The following MYO1C variants were observed in gnomAD, a reference collection of about 807,000 sequenced individuals.
MYO1C encodes the protein unconventional myosin-Ic.
In MYO1C, 104 loss-of-function variants were observed where a neutral mutation model predicts 150.8. The ratio of observed to expected loss-of-function variants is 0.69; its 90% confidence interval spans 0.59 to 0.81. The LOEUF (loss-of-function observed/expected upper bound fraction) is 0.81. Ranked by LOEUF, MYO1C falls within the 30% of genes least tolerant of loss-of-function variation. The pLI, the probability that MYO1C is intolerant of heterozygous loss-of-function variation, is 0.00. For synonymous variants in MYO1C, 663 were observed against 579.9 expected (o/e 1.14, Z -2.06); for missense variants, 1,504 against 1,435.0 (o/e 1.05, Z -0.78).
At chr17:1,485,050 T>G in intron 1 of MYO1C, 1 of 1,186,986 alleles carries the variant, frequency 8.4e-7, no homozygotes, top group Non-Finnish European at 1.1e-6. Flanking sequence ...CTCCCTTTCC[T>G]CCAGCTGCTG....
At chr17:1,491,654 G>C (rs1438351660) in intron 1 of MYO1C, 1 of 980,678 alleles carries the variant, frequency 1.0e-6, no homozygotes, top group East Asian at 1.1e-4. Flanking sequence ...GGCGGGCTTG[G>C]GGATCCGCGG....
intron 21 of MYO1C, 29 bp from the exon 22 acceptor site, chr17:1,470,718 C>A: frequency 6.3e-7 from 1 of 1,592,552 alleles, no homozygotes; most frequent in East Asian, 2.2e-5. Flanking sequence ...GGCAATTGGC[C>A]AGAGCGCGGG....
chr17:1,468,650 C>T (rs2074233228), intron 25 of MYO1C, 154 bp from the exon 26 acceptor site: 2 of 657,066 alleles, frequency 3.0e-6, no homozygotes, highest in Non-Finnish European at 5.5e-6. Flanking sequence ...CCCCCACACG[C>T]CCATCAACCC....
intron 17 of MYO1C, among the ~76,000 whole-genome samples, chr17:1,473,550 T>G (rs1345437951): frequency 6.6e-6 from 1 of 152,058 alleles, no homozygotes; most frequent in Admixed American, 6.6e-5. Context: ...TGCCAGGCAG[T>G]CTGGCTTCCA....
chr17:1,491,754 G>A, intron 1 of MYO1C: 2 of 603,388 alleles, frequency 3.3e-6, no homozygotes, highest in Non-Finnish European at 4.1e-6. Context: ...CTCCGGCCCC[G>A]CCCCGCCCCG....
At chr17:1,472,056 C>T (rs768095274) in intron 18 of MYO1C, 32 bp from the exon 19 acceptor site, 17 of 1,607,978 alleles carry the variant, frequency 1.1e-5, no homozygotes, top group Non-Finnish European at 1.4e-5. Context: ...GGTCAGCGGG[C>T]TGGCGCTGAC....
Position 1,479,661 on chromosome 17 carries a change from G to A in MYO1C, c.951C>T (p.Ile317=). Residue 317 remains isoleucine (I), a synonymous_variant, in exon 8 of 32, where the codon ATC becomes ATT. Coordinates refer to ENST00000648651, the MANE Select transcript of MYO1C (RefSeq NM_001080779.2). This position sits in a 1 kb window ranked among gnomAD's most constrained non-coding sequence, Gnocchi z 4.2. The part of the protein sequence containing the change: ...IVASVLHLGN[I]HFAANEESNA... ...TGCTCTCCTCGTTGGCAGCAAAGTG[G>A]ATGTTGCCCAAATGAAGGACGCTGG... 1 of 1,613,678 alleles carries A rather than the reference G, an allele frequency of 6.2e-7. No individual in the cohort carries two copies. Among genetic ancestry groups the A allele is most frequent in the Non-Finnish European group, 8.5e-7 (1 of 1,179,906 alleles).
At position 1,482,922 on chromosome 17, in the gene MYO1C, G is replaced by A. The variant is rs775580232; in HGVS notation, c.485C>T (p.Pro162Leu). 1.9e-6 allele frequency: 3 copies of A among 1,583,230 alleles called. No homozygotes were observed. The Admixed American group carries it at 5.3e-5, about 28-fold the overall frequency. ...CACGGCACCTCCGCGCTCGGGGGCT[G>A]GGCAGGTCTCTGCATAGAACTGCAG... is the stretch of plus-strand genomic sequence containing the variant. ...RLLQFYAETCPAPERGGAVRD... is the reference protein window; with the variant it reads ...RLLQFYAETCLAPERGGAVRD... The change falls in exon 4 of 32, where the codon CCA becomes CTA. Residue 162 changes from proline (P) to leucine (L), a missense_variant. Physicochemically the swap from Pro to Leu is moderately conservative, Grantham distance 98 (BLOSUM62 -3). Transcript: ENST00000648651.
Position 1,482,925 on chromosome 17 carries a change from C to T in MYO1C, c.482G>A (p.Cys161Tyr). ...KRLLQFYAET[C>Y]PAPERGGAVR... is the part of the protein sequence containing the mutation. ...GGCACCTCCGCGCTCGGGGGCTGGG[C>T]AGGTCTCTGCATAGAACTGCAGCAG... The change falls in exon 4 of 32, where the codon TGC becomes TAC. Residue 161 changes from cysteine to tyrosine, a missense_variant. Physicochemically the swap from Cys to Tyr is radical, Grantham distance 194. Transcript: ENST00000648651. The T allele has an allele frequency of 6.3e-7, 1 of 1,586,320 alleles. No individual in the cohort carries two copies. Among genetic ancestry groups the T allele is most frequent in the Non-Finnish European group, 8.6e-7 (1 of 1,166,392 alleles).
chr17:1,479,480 G>T lies in MYO1C; in HGVS notation c.1043C>A (p.Thr348Lys). The change falls in exon 9 of 32, where the codon ACG (threonine) becomes AAG (lysine). Residue 348 changes from threonine (T) to lysine (K), a missense_variant. Physicochemically the swap from Thr to Lys is moderately conservative, Grantham distance 78 (BLOSUM62 -1). Coordinates refer to ENST00000648651, the MANE Select transcript of MYO1C (RefSeq NM_001080779.2). This position sits in a 1 kb window ranked among gnomAD's most constrained non-coding sequence, Gnocchi z 4.2. ...LTRLLSVEGS[T>K]LREALTHRKI... is the part of the protein sequence containing the mutation. The stretch of plus-strand genomic sequence containing the variant: ...CCTGTGTGTCAGGGCTTCTCGCAGC[G>T]TCGAGCCTTCCACGCTGAGGAGCTG... 1 of 1,521,496 alleles carries T rather than the reference G, an allele frequency of 6.6e-7. No individual in the cohort carries two copies. 94.2% of individuals were successfully genotyped at this position (1,521,496 alleles called of 1,614,324 possible).
At position 1,484,231 on chromosome 17, in the gene MYO1C, C is replaced by T. The variant is rs1434747250; in HGVS notation, c.148G>A (p.Asp50Asn). The T allele has an allele frequency of 1.9e-6, 3 of 1,612,916 alleles. No homozygotes were observed. The highest frequency in any genetic ancestry group is 2.5e-6 in the Non-Finnish European group (3 of 1,180,020). ...GTGAAGTTCTCCAGCAGCACGAAATCCTGCACCCCCACCCGGTCACGGGCG... is the reference window on the plus strand; with the variant it reads ...GTGAAGTTCTCCAGCAGCACGAAATTCTGCACCCCCACCCGGTCACGGGCG... Reference protein sequence around the residue: ...LTARDRVGVQDFVLLENFTSE... With the variant: ...LTARDRVGVQNFVLLENFTSE... Residue 50 changes from aspartate (D) to asparagine (N), a missense_variant, in exon 2 of 32, where the codon GAT becomes AAT. Transcript: ENST00000648651.
At chr17:1,480,403 G>C in intron 7 of MYO1C, 124 bp downstream of exon 7, 1 of 836,762 alleles carries the variant, frequency 1.2e-6, no homozygotes, top group Non-Finnish European at 2.0e-6. Context: ...AGCTGAGATT[G>C]CACCACTGCA....
chr17:1,485,374 C>G, intron 1 of MYO1C: 4 of 1,102,790 alleles, frequency 3.6e-6, no homozygotes, highest in Non-Finnish European at 3.3e-6. Flanking sequence ...GGGCCTGCCC[C>G]TCCCAGGCTT....
chr17:1,484,097 G>C (rs1478336423), intron 2 of MYO1C, 51 bp downstream of exon 2: 1 of 1,601,800 alleles, frequency 6.2e-7, no homozygotes, highest in Non-Finnish European at 8.5e-7. Flanking sequence ...CCCTCCGCTT[G>C]CCTGTGTCTG....
chr17:1,481,100 T>C lies in MYO1C; in HGVS notation c.628-215A>G, dbSNP rs182776143. 508 of 585,750 alleles carry C rather than the reference T, an allele frequency of 8.7e-4. 2 individuals are homozygous for C. Among genetic ancestry groups the C allele is most frequent in the African/African-American group, 6.7e-3 (361 of 53,664 alleles). The allele number at this position is 585,750 out of a possible 1,614,324, so 36.3% of individuals were successfully genotyped here. A position where few individuals can be genotyped will look rare whatever the true frequency, so the allele number is the denominator to read the frequency against. On this transcript the variant is annotated intron_variant, in intron 5 of 31. Transcript: ENST00000648651. ...GATTCAACTCCAACGACCTGGCTGC[T>C]CCACCTGGATGCCTGACAGGTATCG... is the stretch of plus-strand genomic sequence containing the variant.
At chr17:1,467,944 G>A (rs752468742) in intron 28 of MYO1C, 34 bp from the exon 29 acceptor site, 2 of 1,612,854 alleles carry the variant, frequency 1.2e-6, no homozygotes, top group Admixed American at 1.7e-5. Context: ...GAGGTCGAGG[G>A]TCAGAGCAGG....
rs1178395053 is a variant in MYO1C at position 1,471,975 on chromosome 17, C to G, written c.1953G>C (p.Leu651=). 1 of 1,614,008 alleles carries G rather than the reference C, an allele frequency of 6.2e-7. No individual in the cohort carries two copies. The highest frequency in any genetic ancestry group is 8.5e-7 in the Non-Finnish European group (1 of 1,180,024). The change falls in exon 19 of 32, where the codon CTG becomes CTC. Residue 651 remains leucine (L), a synonymous_variant. Coordinates refer to ENST00000648651, the MANE Select transcript of MYO1C (RefSeq NM_001080779.2). The part of the protein sequence containing the change: ...LIRHQVKYLG[L]LENLRVRRAG... ...CTCTGCGCACGCGCAGGTTTTCCAA[C>G]AGCCCCAGGTACTTCACCTGGTGGC... is the stretch of plus-strand genomic sequence containing the variant.
At chr17:1,487,895 T>A (rs964594709) in intron 1 of MYO1C, among the ~76,000 whole-genome samples, 1 of 152,178 alleles carries the variant, frequency 6.6e-6, no homozygotes, top group East Asian at 1.9e-4. Flanking sequence ...CACTCCAGCC[T>A]GGGCGACAGA....
At chr17:1,485,585 A>G in intron 1 of MYO1C, 1 of 857,206 alleles carries the variant, frequency 1.2e-6, no homozygotes, top group Non-Finnish European at 1.5e-6. Flanking sequence ...ACGTTTTTCC[A>G]CCCGGAATTC....
Sources: gnomAD v4.1 joint callset for allele counts (sites outside exome capture counted in the v4.1 genomes callset) on GRCh38, gnomAD v4.1.1 for gene constraint, Gnocchi (gnomAD v3.1) non-coding constraint, MANE v1.5 for transcripts, NCBI Gene and HGNC (gene_info 2026-07-23, HGNC 2026-07-21) for gene names.